The following RMST variants were observed in gnomAD, a reference collection of about 807,000 sequenced individuals.
RMST encodes the protein long intergenic non-protein coding RNA 54.
At chr12:97,492,337 G>A (rs1275680873) in intron 5 of RMST, 2 of 157,926 alleles carry the variant, frequency 1.3e-5, no homozygotes, top group Admixed American at 1.2e-4. Flanking sequence ...TATATTGTGG[G>A]AAACACGCTG....
chr12:97,471,688 C>T (rs968354888), intron 5 of RMST, among the ~76,000 whole-genome samples: 1 of 152,258 alleles, frequency 6.6e-6, no homozygotes, highest in East Asian at 1.9e-4. Context: ...CAGTGTGTAA[C>T]TGTTGGCATC....
chr12:97,478,311 A>G (rs943727841), intron 5 of RMST, among the ~76,000 whole-genome samples: 3 of 152,192 alleles, frequency 2.0e-5, no homozygotes, highest in Non-Finnish European at 2.9e-5. Context: ...TATAAAACAC[A>G]TTTTGATTTA....
At chr12:97,552,615 C>T (rs528590143) in intron 11 of RMST, among the ~76,000 whole-genome samples, 17 of 152,178 alleles carry the variant, frequency 1.1e-4, no homozygotes, top group Non-Finnish European at 1.3e-4. Context: ...AATTTGCACT[C>T]CAGGTTTAAG....
At chr12:97,477,946 A>T (rs2136409471) in intron 5 of RMST, among the ~76,000 whole-genome samples, 1 of 152,332 alleles carries the variant, frequency 6.6e-6, no homozygotes, top group South Asian at 2.1e-4. Context: ...AAATCCGTAG[A>T]CTTGGTATGA....
At chr12:97,555,976 A>C (rs1265940905) in intron 11 of RMST, among the ~76,000 whole-genome samples, 1 of 152,148 alleles carries the variant, frequency 6.6e-6, no homozygotes, top group African/African-American at 2.4e-5. Context: ...CATGCATCTA[A>C]TCTTTCTTCC....
chr12:97,501,527 C>T (rs1175567902), intron 10 of RMST, among the ~76,000 whole-genome samples: 2 of 152,072 alleles, frequency 1.3e-5, no homozygotes, highest in African/African-American at 4.8e-5. Context: ...ACATTCTCAC[C>T]CACCGTATCC....
In RMST at chr12:97,511,005, C is replaced by T. The variant is rs185463353; in HGVS notation, n.1340+14949C>T. Among the ~76,000 whole-genome samples, 1,309 of 151,782 alleles carry T rather than the reference C, an allele frequency of 8.6e-3. 14 individuals are homozygous for T. Among genetic ancestry groups the T allele is most frequent in the Non-Finnish European group, 0.014 (977 of 68,002 alleles). On this transcript the variant is annotated intron_variant and non_coding_transcript_variant, in intron 10 of 13. Transcript: ENST00000640149. ...TCATCAATTTCTGCAGCCACAGTTA[C>T]GAAAATCCAAAATTTGACTTAAATT... is the stretch of plus-strand genomic sequence containing the variant.
intron 11 of RMST, among the ~76,000 whole-genome samples, chr12:97,547,612 A>G (rs1901241): frequency 0.26 from 39,468 of 151,872 alleles, 6,465 homozygotes; most frequent in African/African-American, 0.46. Flanking sequence ...ATATCTGATT[A>G]TAGTTTTAAT....
At chr12:97,536,760 T>C (rs1469664219) in intron 11 of RMST, among the ~76,000 whole-genome samples, 1 of 151,460 alleles carries the variant, frequency 6.6e-6, no homozygotes, top group African/African-American at 2.4e-5. Flanking sequence ...TATACACAAA[T>C]AATCTCCATC....
chr12:97,530,320 A>G (rs1322152353), intron 10 of RMST: 2 of 152,078 alleles, frequency 1.3e-5, no homozygotes, highest in Non-Finnish European at 2.9e-5. Flanking sequence ...CTGAACTCAA[A>G]ACCCTAGGAA....
chr12:97,520,320 A>C (rs1377162523), intron 10 of RMST, among the ~76,000 whole-genome samples: 3 of 152,102 alleles, frequency 2.0e-5, no homozygotes, highest in African/African-American at 7.2e-5. Context: ...GAGACAGCTC[A>C]TCTGTTTAAT....
intron 10 of RMST, among the ~76,000 whole-genome samples, chr12:97,504,402 TCAAAAAAA>T (rs1349279010): frequency 8.8e-5 from 11 of 125,232 alleles, no homozygotes; most frequent in Non-Finnish European, 1.6e-4. Flanking sequence ...AGACTTCATT[TCAAAAAAA>T]AAAAAAAAAA....
At chr12:97,503,411 T>C (rs1370124193) in intron 10 of RMST, among the ~76,000 whole-genome samples, 1 of 151,576 alleles carries the variant, frequency 6.6e-6, no homozygotes, top group Admixed American at 6.6e-5. Flanking sequence ...GATTAGAGAA[T>C]TTCAAAAACA....
chr12:97,545,542 G>A (rs1355935885), intron 11 of RMST, among the ~76,000 whole-genome samples: 1 of 152,080 alleles, frequency 6.6e-6, no homozygotes, highest in African/African-American at 2.4e-5. Flanking sequence ...CTTAAGGAAT[G>A]TGAATATTCT....
chr12:97,560,805 A>C (rs1399563556), exon 13 of RMST: 1 of 152,194 alleles, frequency 6.6e-6, no homozygotes, highest in African/African-American at 2.4e-5. Flanking sequence ...AGGTGCAGGA[A>C]TATTCCCCTG....
intron 5 of RMST, among the ~76,000 whole-genome samples, chr12:97,468,180 G>C (rs1205681878): frequency 6.6e-6 from 1 of 151,944 alleles, no homozygotes; most frequent in Admixed American, 6.6e-5. Flanking sequence ...ATTTTCATTT[G>C]TTTCACTATC....
chr12:97,529,873 A>G (rs928086038), intron 10 of RMST, among the ~76,000 whole-genome samples: 5 of 152,122 alleles, frequency 3.3e-5, no homozygotes, highest in Non-Finnish European at 7.4e-5. Context: ...AAAAATTTGT[A>G]TTAAAATGTA....
chr12:97,503,387 A>G lies in RMST; in HGVS notation n.1340+7331A>G, dbSNP rs561919397. Among the ~76,000 whole-genome samples the G allele has an allele frequency of 2.6e-5, 4 of 152,180 alleles. No individual in the cohort carries two copies. The South Asian group carries it at 8.3e-4, about 32-fold the overall frequency. ...AGTTTGAAAAAATTAAAATGGGTAA[A>G]TTATCTATAGTGAGATTAGAGAATT... On this transcript the variant is annotated intron_variant and non_coding_transcript_variant, in intron 10 of 13. Coordinates refer to ENST00000640149, the Ensembl canonical transcript of RMST.
chr12:97,550,980 C>T (rs751936250), intron 11 of RMST, among the ~76,000 whole-genome samples: 3 of 152,188 alleles, frequency 2.0e-5, no homozygotes, highest in South Asian at 2.1e-4. Flanking sequence ...ATCACTATTT[C>T]GTAGAAGAGA....
Sources: gnomAD v4.1 joint callset for allele counts (sites outside exome capture counted in the v4.1 genomes callset) on GRCh38, gnomAD v4.1.1 for gene constraint, MANE v1.5 for transcripts, NCBI Gene and HGNC (gene_info 2026-07-23, HGNC 2026-07-21) for gene names.